The following PLEKHG4B variants were observed in gnomAD, a reference collection of about 807,000 sequenced individuals.
The protein encoded by PLEKHG4B is pleckstrin homology domain-containing family G member 4B.
A neutral mutation model predicts 121.3 loss-of-function variants in PLEKHG4B; 111 were observed. That is an observed-to-expected ratio of 0.92 (90% confidence interval 0.78 to 1.07). The LOEUF is 1.07. Ranked by LOEUF, PLEKHG4B falls within the 50% of genes least tolerant of loss-of-function variation. The pLI, the probability that PLEKHG4B is intolerant of heterozygous loss-of-function variation, is 0.00. For missense variants in PLEKHG4B, 1,831 were observed against 1,757.8 expected (o/e 1.04, Z -0.74); for synonymous variants, 738 against 725.0 (o/e 1.02, Z -0.29).
At position 163,223 on chromosome 5, in the gene PLEKHG4B, G is replaced by A. The variant is rs571712206; in HGVS notation, c.3151G>A (p.Ala1051Thr). ...RGLPGAGATTAHLEDSSACSS... is the reference protein window; with the variant it reads ...RGLPGAGATTTHLEDSSACSS... ...CCTTCCAGGGGCAGGGGCCACCACG[G>A]CCCACCTGGAGGACAGCTCTGCCTG... is the stretch of plus-strand genomic sequence containing the variant. Residue 1051 changes from alanine to threonine, a missense_variant, in exon 13 of 20, where the codon GCC becomes ACC. By Grantham distance (58) the Ala-to-Thr change is moderately conservative. Transcript: ENST00000637938. 3.7e-5 allele frequency: 59 copies of A among 1,602,736 alleles called. 1 individual carries two copies. The South Asian group carries it at 6.6e-4, about 18-fold the overall frequency.
intron 1 of PLEKHG4B, among the ~76,000 whole-genome samples, chr5:106,188 T>C (rs1434488526): frequency 6.6e-6 from 1 of 152,170 alleles, no homozygotes. Flanking sequence ...CTGTAAAAAT[T>C]CTGAGGACCC....
chr5:167,753 G>C (rs1295836076), intron 13 of PLEKHG4B, among the ~76,000 whole-genome samples: 1 of 152,230 alleles, frequency 6.6e-6, no homozygotes, highest in Non-Finnish European at 1.5e-5. Context: ...TGCCCTCCAG[G>C]CTCACATGCT....
intron 2 of PLEKHG4B, among the ~76,000 whole-genome samples, chr5:131,991 A>G (rs1734793505): frequency 6.6e-6 from 1 of 152,148 alleles, no homozygotes; most frequent in Admixed American, 6.6e-5. Context: ...AAAACAAAAT[A>G]CCCTAGGAAT....
Position 103,533 on chromosome 5 carries a change from T to C in PLEKHG4B, c.46-9718T>C, listed in dbSNP as rs150216242. ...CGACTCTGGATATACTGCCATTTTCTGGATATACTGCCACTTTGCAGAATT... is the reference window on the plus strand; with the variant it reads ...CGACTCTGGATATACTGCCATTTTCCGGATATACTGCCACTTTGCAGAATT... On this transcript the variant is annotated intron_variant, in intron 1 of 19. Coordinates refer to ENST00000637938, the MANE Select transcript of PLEKHG4B (RefSeq NM_052909.5). 2.6e-3 allele frequency among the ~76,000 whole-genome samples: 400 copies of C among 152,316 alleles called. 11 individuals carry two copies. Among genetic ancestry groups the C allele is most frequent in the Admixed American group, 0.022 (340 of 15,300 alleles).
intron 2 of PLEKHG4B, among the ~76,000 whole-genome samples, chr5:128,163 AG>A (rs1261309847): frequency 6.6e-6 from 1 of 152,178 alleles, no homozygotes; most frequent in African/African-American, 2.4e-5. Flanking sequence ...CAGGACTGGG[AG>A]GGCCCGGAAG....
chr5:125,606 T>C (rs1387385223), intron 2 of PLEKHG4B, among the ~76,000 whole-genome samples: 1 of 152,212 alleles, frequency 6.6e-6, no homozygotes, highest in African/African-American at 2.4e-5. Flanking sequence ...AATATATTAG[T>C]GTCTTAAATC....
Position 169,474 on chromosome 5 carries a change from A to G in PLEKHG4B, c.3611A>G (p.His1204Arg), listed in dbSNP as rs61750331. Residue 1204 changes from histidine to arginine, a missense_variant, in exon 14 of 20, where the codon CAC becomes CGC. His to Arg is a conservative substitution (Grantham distance 29). Transcript: ENST00000637938. ...MDLPQGLRGK[H>R]HVIFGNLEKL... ...TTGCCCCAGGGCCTTCGAGGGAAGC[A>G]CCACGTTATTTTCGGCAACTTGGAG... 4,339 of 1,614,236 alleles carry G rather than the reference A, an allele frequency of 2.7e-3. 98 individuals are homozygous for G. The South Asian group carries it at 0.04, about 15-fold the overall frequency.
In PLEKHG4B at chr5:139,020, G is replaced by C. The variant is rs938362134; in HGVS notation, c.244-463G>C. The stretch of plus-strand genomic sequence containing the variant: ...CCCTCGCTAAGGAGGCCGAGGTAGC[G>C]CCTGCAGCAGCCGGGAGCCACAGGG... On this transcript the variant is annotated intron_variant, in intron 2 of 19. Transcript: ENST00000637938. This position sits in a 1 kb window ranked among gnomAD's most constrained non-coding sequence, Gnocchi z 5.0. Among the ~76,000 whole-genome samples the C allele has an allele frequency of 6.6e-6, 1 of 152,214 alleles. No individual in the cohort carries two copies. The highest frequency in any genetic ancestry group is 1.5e-5 in the Non-Finnish European group (1 of 68,030).
chr5:122,676 T>C (rs1347696268), intron 2 of PLEKHG4B, among the ~76,000 whole-genome samples: 1 of 152,068 alleles, frequency 6.6e-6, no homozygotes, highest in Non-Finnish European at 1.5e-5. Context: ...TGCCTCGGCC[T>C]CCCAAAGTGC....
rs1322979241 is a variant in PLEKHG4B at position 174,091 on chromosome 5, G to A, written c.4395G>A (p.Lys1465=). ...GGATCCTGTGGCGGCAGGCACTAAAGAGCAGAGGTGGGAAGATGGGGGCCG... is the reference window on the plus strand; with the variant it reads ...GGATCCTGTGGCGGCAGGCACTAAAAAGCAGAGGTGGGAAGATGGGGGCCG... ...IGRILWRQAL[K]SRELRIQEMA... is the part of the protein sequence containing the mutation. The change falls in exon 18 of 20, where the codon AAG becomes AAA. Residue 1465 remains lysine, a synonymous_variant. Transcript: ENST00000637938. The A allele has an allele frequency of 6.4e-7, 1 of 1,572,406 alleles. No individual in the cohort carries two copies. The highest frequency in any genetic ancestry group is 2.3e-5 in the East Asian group (1 of 43,446).
intron 16 of PLEKHG4B, 35 bp downstream of exon 16, chr5:171,479 TG>T: frequency 6.5e-7 from 1 of 1,527,238 alleles, no homozygotes; most frequent in Non-Finnish European, 8.8e-7. Context: ...TCAGGCAAGC[TG>T]GGGGAATTTG....
chr5:117,488 G>T (rs1734338923), intron 2 of PLEKHG4B, among the ~76,000 whole-genome samples: 1 of 152,124 alleles, frequency 6.6e-6, no homozygotes, highest in Admixed American at 6.6e-5. Flanking sequence ...CAAGTTATTT[G>T]TCACTTTGTT....
chr5:97,510 A>G (rs1733664979), intron 1 of PLEKHG4B, among the ~76,000 whole-genome samples: 1 of 152,244 alleles, frequency 6.6e-6, no homozygotes, highest in African/African-American at 2.4e-5. Flanking sequence ...CTATGGATTT[A>G]TCTATTCCGG....
At chr5:107,760 T>C (rs1734018906) in intron 1 of PLEKHG4B, among the ~76,000 whole-genome samples, 1 of 152,120 alleles carries the variant, frequency 6.6e-6, no homozygotes, top group Non-Finnish European at 1.5e-5. Context: ...GCACTTGCCC[T>C]GGTGTGGCCA....
rs1736195558 is a variant in PLEKHG4B, at chr5:164,592, G to GACGGGGCAGAGCTCACACAGTAATGCTC, written c.3476+1044_3476+1045insACGGGGCAGAGCTCACACAGTAATGCTC. Reference sequence around the variant, plus strand: ...GGGGCGGAGCTCACACAGTAATGCTGTGACGGAGCGGAGCTCACAGTAATG... The same window carrying GACGGGGCAGAGCTCACACAGTAATGCTC: ...GGGGCGGAGCTCACACAGTAATGCTGACGGGGCAGAGCTCACACAGTAATGCTCTGACGGAGCGGAGCTCACAGTAATG... On this transcript the variant is annotated intron_variant, in intron 13 of 19. Coordinates refer to ENST00000637938, the MANE Select transcript of PLEKHG4B (RefSeq NM_052909.5). 2.3e-5 allele frequency among the ~76,000 whole-genome samples: 2 copies of GACGGGGCAGAGCTCACACAGTAATGCTC among 85,712 alleles called. 1 individual carries two copies. Among genetic ancestry groups the GACGGGGCAGAGCTCACACAGTAATGCTC allele is most frequent in the Non-Finnish European group, 4.6e-5 (2 of 43,228 alleles). 56.2% of individuals were successfully genotyped at this position (85,712 alleles called of 152,430 possible). A position where few individuals can be genotyped will look rare whatever the true frequency, so the allele number is the denominator to read the frequency against.
chr5:181,065 G>A (rs1183272947), intron 18 of PLEKHG4B, among the ~76,000 whole-genome samples: 1 of 152,142 alleles, frequency 6.6e-6, no homozygotes, highest in Non-Finnish European at 1.5e-5. Flanking sequence ...ATTTGACCAA[G>A]AATAAGTTCA....
chr5:161,997 G>A, intron 12 of PLEKHG4B, 53 bp downstream of exon 12: 3 of 1,537,474 alleles, frequency 2.0e-6, no homozygotes, highest in Non-Finnish European at 2.6e-6. Flanking sequence ...TTAGGCTGTG[G>A]ACATCTAGCA....
chr5:153,140 T>C (rs1466240315), intron 7 of PLEKHG4B, among the ~76,000 whole-genome samples: 2 of 152,260 alleles, frequency 1.3e-5, no homozygotes, highest in Non-Finnish European at 1.5e-5. Context: ...GATTTTAAAA[T>C]ATATTTTCTA....
intron 16 of PLEKHG4B, among the ~76,000 whole-genome samples, chr5:171,902 G>A (rs966676721): frequency 3.3e-5 from 5 of 152,240 alleles, no homozygotes; most frequent in South Asian, 2.1e-4. Context: ...TGCTGCCCGC[G>A]ACCGGCTGCA....
Sources: allele counts gnomAD v4.1 joint callset (sites outside exome capture counted in the v4.1 genomes callset), GRCh38; gene constraint gnomAD v4.1.1; non-coding constraint Gnocchi (gnomAD v3.1); transcripts MANE v1.5; gene names NCBI Gene and HGNC (gene_info 2026-07-23, HGNC 2026-07-21).